Variants in LIMCH1 observed in about 807,000 individuals in gnomAD.
LIMCH1 encodes LIM and calponin homology domains 1.
Under a neutral mutation model 176.5 loss-of-function variants are expected in LIMCH1, and 113 were observed. That is an observed-to-expected ratio of 0.64 (90% CI 0.55 to 0.75). The LOEUF is 0.75. Ranked by LOEUF, LIMCH1 falls within the 30% of genes least tolerant of loss-of-function variation. The pLI is 0.00. For missense variants in LIMCH1, 1,674 were observed against 1,814.9 expected (o/e 0.92, Z 1.41); for synonymous variants, 619 against 645.9 (o/e 0.96, Z 0.63).
chr4:41,650,880 C>T (rs2094267365), intron 18 of LIMCH1, among the ~76,000 whole-genome samples: 1 of 152,130 alleles, frequency 6.6e-6, no homozygotes, highest in Non-Finnish European at 1.5e-5. Context: ...TCTCTCCTAG[C>T]CTCTGGTGGC....
intron 1 of LIMCH1, among the ~76,000 whole-genome samples, chr4:41,461,321 G>A (rs991498994): frequency 5.9e-5 from 9 of 152,208 alleles, no homozygotes; most frequent in Non-Finnish European, 1.0e-4. Context: ...TCGAGTCCTA[G>A]AATGCTGGAT....
intron 1 of LIMCH1, among the ~76,000 whole-genome samples, chr4:41,472,202 T>G (rs1475888861): frequency 6.6e-6 from 1 of 152,230 alleles, no homozygotes; most frequent in Admixed American, 6.5e-5. Context: ...TGGTGGCTTA[T>G]GCACATTTTT....
At chr4:41,546,141 T>C (rs1446509366) in intron 1 of LIMCH1, among the ~76,000 whole-genome samples, 2 of 151,276 alleles carry the variant, frequency 1.3e-5, no homozygotes, top group African/African-American at 4.8e-5. Context: ...CATTGGTCTG[T>C]TTTTTTTGTT....
At chr4:41,562,365 G>A (rs1377447509) in intron 1 of LIMCH1, among the ~76,000 whole-genome samples, 1 of 152,046 alleles carries the variant, frequency 6.6e-6, no homozygotes, top group Non-Finnish European at 1.5e-5. Context: ...ACTTTCCCTT[G>A]TCTCCTGTAA....
chr4:41,547,857 G>GTATATATATA (rs1451943342), intron 1 of LIMCH1, among the ~76,000 whole-genome samples: 11 of 70,000 alleles, frequency 1.6e-4, no homozygotes, highest in African/African-American at 8.7e-4. Flanking sequence ...TATAATTTGT[G>GTATATATATA]TGTGTGTATA....
chr4:41,518,915 A>AT (rs35334550), intron 2 of LIMCH1, among the ~76,000 whole-genome samples: 61 of 151,518 alleles, frequency 4.0e-4, no homozygotes, highest in African/African-American at 9.7e-4. Context: ...ACATGAACAC[A>AT]TTTTTTTTTA....
chr4:41,620,956 A>G (rs557840229), intron 7 of LIMCH1, among the ~76,000 whole-genome samples: 2 of 152,356 alleles, frequency 1.3e-5, no homozygotes, highest in Admixed American at 6.5e-5. Flanking sequence ...ATTTGTGATC[A>G]GTCATGTGTG....
chr4:41,600,955 CTTCT>C (rs2089816300), intron 2 of LIMCH1, among the ~76,000 whole-genome samples: 1 of 151,968 alleles, frequency 6.6e-6, no homozygotes, highest in Non-Finnish European at 1.5e-5. Flanking sequence ...CCTTTTCTTC[CTTCT>C]GCCTTCCCTC....
intron 1 of LIMCH1, among the ~76,000 whole-genome samples, chr4:41,579,376 T>G (rs2085025530): frequency 6.6e-6 from 1 of 152,206 alleles, no homozygotes; most frequent in Non-Finnish European, 1.5e-5. Flanking sequence ...TAAAAGTTAA[T>G]TGCAATTTTC....
Position 41,689,565 on chromosome 4 carries a change from T to C in LIMCH1, c.4205T>C (p.Leu1402Pro). The change falls in exon 30 of 32, where the codon CTT becomes CCT. Residue 1402 changes from leucine to proline, a missense_variant. Transcript: ENST00000503057. ...AAGAAGCTGTGCTCTTCCTGTGGGC[T>C]TCCTTTGGGTAAAGGAGCTGCAATG... is the stretch of plus-strand genomic sequence containing the variant. ...SGKKLCSSCG[L>P]PLGKGAAMII... 5 of 1,611,816 alleles carry C rather than the reference T, an allele frequency of 3.1e-6. No homozygotes were observed. Among genetic ancestry groups the C allele is most frequent in the Non-Finnish European group, 4.2e-6 (5 of 1,177,974 alleles).
intron 1 of LIMCH1, among the ~76,000 whole-genome samples, chr4:41,369,674 AT>A (rs1365597235): frequency 2.0e-5 from 3 of 151,442 alleles, no homozygotes; most frequent in Non-Finnish European, 2.9e-5. Context: ...ACTATCACGA[AT>A]TTTTTTTGTG....
intron 14 of LIMCH1, 84 bp from the exon 15 acceptor site, chr4:41,644,416 C>T (rs1458065540): frequency 5.0e-6 from 7 of 1,398,042 alleles, no homozygotes; most frequent in East Asian, 2.9e-5. Flanking sequence ...CGGTAGCGCC[C>T]CCACGCGGCA....
intron 3 of LIMCH1, among the ~76,000 whole-genome samples, chr4:41,604,773 A>C (rs2090464094): frequency 6.6e-6 from 1 of 152,148 alleles, no homozygotes; most frequent in Non-Finnish European, 1.5e-5. Flanking sequence ...ATTTGTAAGC[A>C]ATCAGTTCAA....
intron 18 of LIMCH1, among the ~76,000 whole-genome samples, chr4:41,660,179 G>T (rs4861129): frequency 1.3e-5 from 2 of 151,808 alleles, no homozygotes; most frequent in South Asian, 2.1e-4. Context: ...GTATTTTCAC[G>T]TATCATTAAC....
intron 31 of LIMCH1, 88 bp downstream of exon 31, chr4:41,692,472 C>G: frequency 1.2e-6 from 1 of 820,832 alleles, no homozygotes; most frequent in South Asian, 1.6e-5. Flanking sequence ...ATATTTTTCC[C>G]CAGCCGTTGA....
chr4:41,456,351 G>A lies in LIMCH1; in HGVS notation c.97-38185G>A, dbSNP rs145032323. Among the ~76,000 whole-genome samples, 76 of 152,286 alleles carry A rather than the reference G, an allele frequency of 5.0e-4. 1 individual carries two copies. Among genetic ancestry groups the A allele is most frequent in the East Asian group, 4.6e-3 (24 of 5,186 alleles). ...TATTATGTTTGATTGTTTTGGGTGT[G>A]TGCGTGTGCATGTGTGTGATGTTTT... On this transcript the variant is annotated intron_variant, in intron 1 of 26. Coordinates refer to the LIMCH1 transcript ENST00000313860.
chr4:41,441,107 T>G (rs1382467519), intron 1 of LIMCH1, among the ~76,000 whole-genome samples: 1 of 152,192 alleles, frequency 6.6e-6, no homozygotes, highest in African/African-American at 2.4e-5. Context: ...CACTTTGCTG[T>G]GACAAGTCAA....
rs566121425 is a variant in LIMCH1, at chr4:41,423,342, G to T, written c.96+62406G>T. ...TTTGAATTTCATGAAGTCTGGGAAAGAGTTTTGGGTGGTATGCACACCAAC... is the reference window on the plus strand; with the variant it reads ...TTTGAATTTCATGAAGTCTGGGAAATAGTTTTGGGTGGTATGCACACCAAC... On this transcript the variant is annotated intron_variant, in intron 1 of 26. Transcript: ENST00000313860. Among the ~76,000 whole-genome samples the T allele has an allele frequency of 1.3e-4, 20 of 152,260 alleles. 2 individuals carry two copies. Among genetic ancestry groups the T allele is most frequent in the African/African-American group, 3.9e-4 (16 of 41,540 alleles).
At chr4:41,642,230 G>A (rs1420732521) in intron 14 of LIMCH1, among the ~76,000 whole-genome samples, 1 of 152,098 alleles carries the variant, frequency 6.6e-6, no homozygotes, top group African/African-American at 2.4e-5. Context: ...AGCTCAGAGA[G>A]GTTTAAGTCT....
Sources: gnomAD v4.1 joint callset for allele counts (sites outside exome capture counted in the v4.1 genomes callset) on GRCh38, gnomAD v4.1.1 for gene constraint, MANE v1.5 for transcripts, NCBI Gene and HGNC (gene_info 2026-07-23, HGNC 2026-07-21) for gene names.